Variants in BAIAP2 observed in about 807,000 individuals in gnomAD.
BAIAP2 encodes the protein BAR/IMD domain containing adaptor protein 2, also known as BAR/IMD domain-containing adapter protein 2.
BAIAP2 carries 18 observed loss-of-function variants against 63.0 expected under a neutral mutation model. That is an observed-to-expected ratio of 0.29 (90% CI 0.20 to 0.42). The LOEUF (loss-of-function observed/expected upper bound fraction) is 0.42, where lower values mean the gene tolerates loss of function less well. Ranked by LOEUF, BAIAP2 falls within the 10% of genes least tolerant of loss-of-function variation. The pLI is 1.00. For missense variants in BAIAP2, 610 were observed against 734.3 expected (o/e 0.83, Z 1.96); for synonymous variants, 386 against 307.6 (o/e 1.25, Z -2.67).
intron 1 of BAIAP2, among the ~76,000 whole-genome samples, chr17:81,039,386 G>A (rs1464623189): frequency 5.3e-5 from 8 of 152,198 alleles, no homozygotes; most frequent in Admixed American, 4.6e-4. Flanking sequence ...GGCGTCCAGC[G>A]TTCGCTTGGT....
In BAIAP2 at chr17:81,117,388, C is replaced by G. The variant is rs185833025; in HGVS notation, c.*1549C>G. The stretch of plus-strand genomic sequence containing the variant: ...GCCTCAAACAAAACACAAAACAAAT[C>G]CCCCTGCGAAGCAACAATAAACTTT... On this transcript the variant is annotated 3_prime_UTR_variant, in exon 14 of 14. Transcript: ENST00000428708. The G allele has an allele frequency of 4.8e-4, 73 of 152,420 alleles. No individual in the cohort carries two copies. Among genetic ancestry groups the G allele is most frequent in the African/African-American group, 1.6e-3 (67 of 41,578 alleles). 9.4% of individuals were successfully genotyped at this position (152,420 alleles called of 1,614,324 possible). A position where few individuals can be genotyped will look rare whatever the true frequency, so the allele number is the denominator to read the frequency against.
Position 81,103,436 on chromosome 17 carries a change from C to T in BAIAP2, c.643-66C>T, listed in dbSNP as rs111840759. 76 of 1,447,078 alleles carry T rather than the reference C, an allele frequency of 5.3e-5. No homozygotes were observed. In the African/African-American group the frequency reaches 6.5e-4, roughly 12 times the overall value. The allele number at this position is 1,447,078 out of a possible 1,614,324, so 89.6% of individuals were successfully genotyped here. A position where few individuals can be genotyped will look rare whatever the true frequency, so the allele number is the denominator to read the frequency against. On this transcript the variant is annotated intron_variant, in intron 7 of 13. Coordinates refer to ENST00000428708, the MANE Select transcript of BAIAP2 (RefSeq NM_001144888.2). ...GAGAGTGCTCAGGGAGGGCCCTCAG[C>T]GCTGTGCCTGGCTGCAGGAGACTGA...
chr17:81,110,762 T>A, intron 13 of BAIAP2: 1 of 1,240,424 alleles, frequency 8.1e-7, no homozygotes, highest in Middle Eastern at 2.1e-4. Context: ...GCAGGCGCCG[T>A]CCAGGGAGAG....
intron 3 of BAIAP2, among the ~76,000 whole-genome samples, chr17:81,060,920 C>T (rs2050433980): frequency 1.3e-5 from 2 of 152,008 alleles, no homozygotes; most frequent in Non-Finnish European, 1.5e-5. Flanking sequence ...GTCAGGAGTT[C>T]GAGACCAGCC....
chr17:81,107,722 T>C (rs904198714), intron 12 of BAIAP2: 3 of 152,216 alleles, frequency 2.0e-5, no homozygotes, highest in Non-Finnish European at 4.4e-5. Flanking sequence ...AACCCACCTT[T>C]TTCCGAGATA....
rs528742063 is a variant in BAIAP2 at position 81,056,780 on chromosome 17, G to T, written c.131-1101G>T. On this transcript the variant is annotated intron_variant, in intron 2 of 13. Coordinates refer to ENST00000428708, the MANE Select transcript of BAIAP2 (RefSeq NM_001144888.2). ...ACCGCCACCTTAGCCGCAGCCAGCC[G>T]CCCTGGAGTCTCACTTCTGCTGTTG... Among the ~76,000 whole-genome samples the T allele has an allele frequency of 7.2e-5, 11 of 152,206 alleles. No homozygotes were observed. The East Asian group carries it at 1.9e-3, about 27-fold the overall frequency.
At chr17:81,063,238 C>CT (rs1360579776) in intron 3 of BAIAP2, among the ~76,000 whole-genome samples, 1 of 152,108 alleles carries the variant, frequency 6.6e-6, no homozygotes, top group African/African-American at 2.4e-5. Flanking sequence ...GGAGGCAGGG[C>CT]TTTGAGGAGC....
intron 13 of BAIAP2, 92 bp downstream of exon 13, chr17:81,108,601 T>G: frequency 6.6e-7 from 1 of 1,519,960 alleles, no homozygotes. Flanking sequence ...TGGGGCCACC[T>G]CTTTTCCTTT....
intron 3 of BAIAP2, among the ~76,000 whole-genome samples, chr17:81,072,343 A>G (rs1030404813): frequency 1.3e-5 from 2 of 152,162 alleles, no homozygotes; most frequent in Admixed American, 1.3e-4. Flanking sequence ...GACCCATGTA[A>G]TCAGGGAACA....
Position 81,062,968 on chromosome 17 carries a change from T to C in BAIAP2, c.217+5001T>C, listed in dbSNP as rs1002574509. Among the ~76,000 whole-genome samples, 3 of 139,978 alleles carry C rather than the reference T, an allele frequency of 2.1e-5. No individual in the cohort carries two copies. In the Admixed American group the frequency reaches 2.1e-4, roughly 10 times the overall value. The allele number at this position is 139,978 out of a possible 152,430, so 91.8% of individuals were successfully genotyped here. On this transcript the variant is annotated intron_variant, in intron 3 of 13. Coordinates refer to ENST00000428708, the MANE Select transcript of BAIAP2 (RefSeq NM_001144888.2). ...TCTGGAGATGTTTGTGCTGGGGTGTTAGGAATTTCCTGCCGATATCTTTCC... is the reference window on the plus strand; with the variant it reads ...TCTGGAGATGTTTGTGCTGGGGTGTCAGGAATTTCCTGCCGATATCTTTCC...
intron 1 of BAIAP2, among the ~76,000 whole-genome samples, chr17:81,044,940 C>T (rs1295233514): frequency 3.3e-5 from 5 of 152,182 alleles, no homozygotes; most frequent in East Asian, 1.9e-4. Context: ...TTCTGTGACC[C>T]GGGCCAGGGT....
intron 3 of BAIAP2, among the ~76,000 whole-genome samples, chr17:81,066,742 G>A (rs986564446): frequency 6.6e-6 from 1 of 152,202 alleles, no homozygotes; most frequent in African/African-American, 2.4e-5. Context: ...CACCTGGTAG[G>A]GCCTCCTGCT....
chr17:81,035,201 T>TGCC lies in BAIAP2; in HGVS notation c.-48_-46dup. ...GTCCTGCTGCCGTTACCGCCGCTGC[T>TGCC]GCCGCCGCTTGCGTCCCCCGCTCCG... On this transcript the variant is annotated 5_prime_UTR_variant, in exon 1 of 14. Coordinates refer to ENST00000428708, the MANE Select transcript of BAIAP2 (RefSeq NM_001144888.2). 7.1e-7 allele frequency: 1 copy of TGCC among 1,410,998 alleles called. No homozygotes were observed. Among genetic ancestry groups the TGCC allele is most frequent in the Non-Finnish European group, 9.4e-7 (1 of 1,059,916 alleles). The allele number at this position is 1,410,998 out of a possible 1,614,324, so 87.4% of individuals were successfully genotyped here.
chr17:81,082,375 C>T (rs547345913), intron 3 of BAIAP2, among the ~76,000 whole-genome samples: 67 of 152,322 alleles, frequency 4.4e-4, no homozygotes, highest in African/African-American at 1.6e-3. Flanking sequence ...ACGCTGAATC[C>T]CTCTTCACGG....
chr17:81,098,957 TCCCCGTCC>T (rs1568166185), intron 6 of BAIAP2, among the ~76,000 whole-genome samples: 1 of 144,192 alleles, frequency 6.9e-6, no homozygotes, highest in African/African-American at 2.7e-5. Context: ...GGACACATTC[TCCCCGTCC>T]CCCCATCCCC....
intron 1 of BAIAP2, among the ~76,000 whole-genome samples, chr17:81,049,482 G>C (rs974926591): frequency 2.0e-5 from 3 of 152,162 alleles, no homozygotes; most frequent in Non-Finnish European, 4.4e-5. Flanking sequence ...GCACCTCTTG[G>C]TGTTGATAAG....
At chr17:81,053,547 T>G in intron 1 of BAIAP2, 121 bp from the exon 2 acceptor site, 3 of 995,538 alleles carry the variant, frequency 3.0e-6, no homozygotes, top group South Asian at 1.4e-5. Context: ...ACCTTGAGCA[T>G]TTGTGGTGTC....
chr17:81,104,193 G>T, intron 9 of BAIAP2, 85 bp downstream of exon 9: 2 of 1,424,728 alleles, frequency 1.4e-6, no homozygotes, highest in Non-Finnish European at 1.9e-6. Flanking sequence ...CTCAATAGGG[G>T]CCTGGGAGAC....
At position 81,103,737 on chromosome 17, in the gene BAIAP2, C is replaced by A; in HGVS notation, c.864+14C>A. The A allele has an allele frequency of 6.3e-7, 1 of 1,580,772 alleles. No individual in the cohort carries two copies. Among genetic ancestry groups the A allele is most frequent in the Non-Finnish European group, 8.6e-7 (1 of 1,163,200 alleles). ...CCGTTCGTGGGGGTGAGTCTGTGGC[C>A]TCTGGAAAGCTTCACGGGTGTGGGT... is the stretch of plus-strand genomic sequence containing the variant. On this transcript the variant is annotated intron_variant, in intron 8 of 13. Coordinates refer to ENST00000428708, the MANE Select transcript of BAIAP2 (RefSeq NM_001144888.2).
Sources: gnomAD v4.1 joint callset for allele counts (sites outside exome capture counted in the v4.1 genomes callset) on GRCh38, gnomAD v4.1.1 for gene constraint, MANE v1.5 for transcripts, NCBI Gene and HGNC (gene_info 2026-07-23, HGNC 2026-07-21) for gene names.